The following BLTP3B variants were observed in gnomAD, a reference collection of about 807,000 sequenced individuals.
BLTP3B encodes bridge-like lipid transfer protein family member 3B.
At chr12:100,098,931 T>TAGATAGATAGAC in the BLTP3B span, among the ~76,000 whole-genome samples, 23 of 151,600 alleles carry the variant, frequency 1.5e-4, no homozygotes, top group African/African-American at 4.4e-4. Flanking sequence ...GATAGATAGA[T>TAGATAGATAGAC]AGACAGACAG....
the BLTP3B span, among the ~76,000 whole-genome samples, chr12:100,099,639 C>A: frequency 6.6e-6 from 1 of 151,430 alleles, no homozygotes; most frequent in African/African-American, 2.4e-5. Flanking sequence ...CCCAGATACT[C>A]ACAAGGCTGC....
the BLTP3B span, among the ~76,000 whole-genome samples, chr12:100,122,905 C>G: frequency 3.9e-5 from 6 of 152,184 alleles, no homozygotes; most frequent in Non-Finnish European, 8.8e-5. Flanking sequence ...AACAGTTGGA[C>G]ATGCAGCTCC....
chr12:100,120,102 C>T, the BLTP3B span, among the ~76,000 whole-genome samples: 1 of 152,192 alleles, frequency 6.6e-6, no homozygotes, highest in East Asian at 1.9e-4. Flanking sequence ...AAGGCCTGGG[C>T]GTGGTGCCTC....
At chr12:100,096,035 C>T in the BLTP3B span, among the ~76,000 whole-genome samples, 17 of 152,074 alleles carry the variant, frequency 1.1e-4, no homozygotes, top group Non-Finnish European at 1.8e-4. Flanking sequence ...GTGGATCACC[C>T]GAGGTCAGGA....
the BLTP3B span, among the ~76,000 whole-genome samples, chr12:100,140,117 C>T: frequency 6.6e-6 from 1 of 152,164 alleles, no homozygotes; most frequent in Non-Finnish European, 1.5e-5. Flanking sequence ...TTCAAAAGTT[C>T]ATTCCTTCCT....
the BLTP3B span, among the ~76,000 whole-genome samples, chr12:100,053,611 G>A: frequency 6.6e-6 from 1 of 152,042 alleles, no homozygotes; most frequent in Non-Finnish European, 1.5e-5. Context: ...ACATACCTTT[G>A]TATGTATCTG....
chr12:100,142,785 A>T, the BLTP3B span: 1 of 1,193,848 alleles, frequency 8.4e-7, no homozygotes. Flanking sequence ...GGCCAAGGCC[A>T]CAGCCGCCGC....
chr12:100,074,583 G>C, the BLTP3B span, among the ~76,000 whole-genome samples: 1 of 136,598 alleles, frequency 7.3e-6, no homozygotes, highest in Non-Finnish European at 1.5e-5. Context: ...AACAGAACAA[G>C]ACTCTGTTTC....
At chr12:100,084,620 T>C in the BLTP3B span, 2 of 1,614,166 alleles carry the variant, frequency 1.2e-6, no homozygotes, top group Middle Eastern at 1.6e-4. Flanking sequence ...TTTGTTTTGG[T>C]TGCATCACTA....
chr12:100,130,994 AG>A, the BLTP3B span, among the ~76,000 whole-genome samples: 18,226 of 103,938 alleles, frequency 0.18, 1,867 homozygotes, highest in African/African-American at 0.43. Flanking sequence ...AGAGAGAGAG[AG>A]AGAGAGAGAG....
At chr12:100,039,757 T>C in the BLTP3B span, 2 of 1,613,292 alleles carry the variant, frequency 1.2e-6, no homozygotes, top group Non-Finnish European at 1.7e-6. Context: ...ACATTTTCTT[T>C]CAAATCATTT....
chr12:100,084,791 C>T, the BLTP3B span: 2 of 883,086 alleles, frequency 2.3e-6, no homozygotes, highest in Non-Finnish European at 3.3e-6. Flanking sequence ...ACAGGCTTCA[C>T]CTACATGTAA....
chr12:100,122,364 T>C, the BLTP3B span, among the ~76,000 whole-genome samples: 1 of 152,178 alleles, frequency 6.6e-6, no homozygotes, highest in Non-Finnish European at 1.5e-5. Context: ...AGTCAAATGC[T>C]GAAGGTCACA....
At chr12:100,059,913 C>T in the BLTP3B span, 1 of 1,612,888 alleles carries the variant, frequency 6.2e-7, no homozygotes, top group East Asian at 2.2e-5. Context: ...TGTCATTCAA[C>T]TTGTACACAG....
the BLTP3B span, among the ~76,000 whole-genome samples, chr12:100,108,137 A>G: frequency 6.6e-6 from 1 of 152,234 alleles, no homozygotes; most frequent in African/African-American, 2.4e-5. Context: ...TTTTATTAAC[A>G]AATTAATAAT....
the BLTP3B span, chr12:100,095,565 A>C: frequency 7.4e-7 from 1 of 1,345,880 alleles, no homozygotes; most frequent in Non-Finnish European, 1.0e-6. Flanking sequence ...TGTACTCAAA[A>C]CCTCACAATC....
the BLTP3B span, chr12:100,060,137 T>TA: frequency 9.9e-7 from 1 of 1,007,198 alleles, no homozygotes; most frequent in Non-Finnish European, 1.4e-6. Context: ...GTTTTATTCT[T>TA]TCTTAAGATA....
At chr12:100,091,645 G>A in the BLTP3B span, among the ~76,000 whole-genome samples, 1 of 149,042 alleles carries the variant, frequency 6.7e-6, no homozygotes, top group South Asian at 2.2e-4. Flanking sequence ...TGGGAGTATA[G>A]GCACCCGCCA....
the BLTP3B span, among the ~76,000 whole-genome samples, chr12:100,071,704 C>G: frequency 6.6e-6 from 1 of 151,976 alleles, no homozygotes; most frequent in African/African-American, 2.4e-5. Context: ...TTCAATATTT[C>G]TGAAAATTGT....
Sources: allele counts gnomAD v4.1 joint callset (sites outside exome capture counted in the v4.1 genomes callset), GRCh38; gene constraint gnomAD v4.1.1; transcripts MANE v1.5; gene names NCBI Gene and HGNC (gene_info 2026-07-23, HGNC 2026-07-21).